IGF2BP3: variants seen among roughly 807,000 people sequenced by gnomAD.
IGF2BP3 encodes insulin-like growth factor 2 mRNA-binding protein 3.
A neutral mutation model predicts 73.8 loss-of-function variants in IGF2BP3; 9 were observed. The ratio of observed to expected loss-of-function variants is 0.12; its 90% confidence interval spans 0.07 to 0.21. The LOEUF (loss-of-function observed/expected upper bound fraction) is 0.21. Among genes scored for constraint, IGF2BP3 ranks in the 10% least tolerant of loss-of-function variants. The pLI is 1.00. For missense variants in IGF2BP3, 542 were observed against 714.0 expected, an observed-to-expected ratio of 0.76 and a Z score of 2.75; for synonymous variants, 258 against 256.7, an observed-to-expected ratio of 1.01 and a Z score of -0.05.
Position 23,424,128 on chromosome 7 carries a change from AT to A in IGF2BP3, c.237-5305del, listed in dbSNP as rs58516740. ...GTGAGACTCCATCTCAAACAAAAAA[AT>A]TTTTTTTTCAACACAGTTTAAGGGT... On this transcript the variant is annotated intron_variant, in intron 2 of 14. Transcript: ENST00000258729. Among the ~76,000 whole-genome samples, 4 of 151,468 alleles carry A rather than the reference AT, an allele frequency of 2.6e-5. No homozygotes were observed. The South Asian group carries it at 8.3e-4, about 32-fold the overall frequency.
chr7:23,464,226 A>ATATT (rs978446456), intron 2 of IGF2BP3, among the ~76,000 whole-genome samples: 5 of 152,254 alleles, frequency 3.3e-5, no homozygotes, highest in Non-Finnish European at 1.5e-5. Flanking sequence ...TAGCTTTTAA[A>ATATT]TAGCCACTTA....
At position 23,427,308 on chromosome 7, in the gene IGF2BP3, C is replaced by T. The variant is rs145742588; in HGVS notation, c.237-8484G>A. On this transcript the variant is annotated intron_variant, in intron 2 of 14. Coordinates refer to ENST00000258729, the MANE Select transcript of IGF2BP3 (RefSeq NM_006547.3). ...CATTCCGTGAATTTCTTGGAGGTCCCGTTTCCCTATAGGAAACTCAATAAA... is the reference window on the plus strand; with the variant it reads ...CATTCCGTGAATTTCTTGGAGGTCCTGTTTCCCTATAGGAAACTCAATAAA... Among the ~76,000 whole-genome samples, 675 of 152,210 alleles carry T rather than the reference C, an allele frequency of 4.4e-3. 6 individuals carry two copies. The highest frequency in any genetic ancestry group is 0.015 in the African/African-American group (621 of 41,542).
intron 2 of IGF2BP3, among the ~76,000 whole-genome samples, chr7:23,455,468 G>A (rs1295182972): frequency 6.6e-6 from 1 of 152,182 alleles, no homozygotes; most frequent in East Asian, 1.9e-4. Flanking sequence ...ACCAGGCTAA[G>A]CCTAATAATG....
chr7:23,314,767 A>G (rs897838328), intron 12 of IGF2BP3, among the ~76,000 whole-genome samples: 2 of 152,212 alleles, frequency 1.3e-5, no homozygotes, highest in Non-Finnish European at 2.9e-5. Context: ...TTTCCTTTGA[A>G]TATTTTAAAG....
intron 2 of IGF2BP3, among the ~76,000 whole-genome samples, chr7:23,433,708 A>G (rs907376880): frequency 2.0e-5 from 3 of 151,988 alleles, no homozygotes; most frequent in African/African-American, 7.2e-5. Context: ...ATGTATTTCT[A>G]TTGAACAGAG....
intron 8 of IGF2BP3, among the ~76,000 whole-genome samples, chr7:23,344,526 C>T (rs1019515177): frequency 7.9e-5 from 12 of 152,220 alleles, no homozygotes; most frequent in African/African-American, 2.7e-4. Context: ...AAACTCCCTG[C>T]GGGACCTAGG....
At chr7:23,443,960 G>A (rs1787998045) in intron 2 of IGF2BP3, among the ~76,000 whole-genome samples, 1 of 152,204 alleles carries the variant, frequency 6.6e-6, no homozygotes, top group East Asian at 1.9e-4. Context: ...AGTGAGCTGA[G>A]ATCGCGCCAC....
At chr7:23,418,079 A>G (rs952386098) in intron 3 of IGF2BP3, among the ~76,000 whole-genome samples, 1 of 152,190 alleles carries the variant, frequency 6.6e-6, no homozygotes, top group Non-Finnish European at 1.5e-5. Flanking sequence ...ATTTTAGAAG[A>G]CTAGTCTAAA....
chr7:23,424,359 G>T (rs1393766320), intron 2 of IGF2BP3, among the ~76,000 whole-genome samples: 1 of 151,758 alleles, frequency 6.6e-6, no homozygotes, highest in East Asian at 2.0e-4. Context: ...TTAGCTGGGC[G>T]TAGTGGCAGG....
At chr7:23,444,759 AAAAAAATTGCTTTTTAAAAC>A (rs1299760488) in intron 2 of IGF2BP3, among the ~76,000 whole-genome samples, 1 of 151,916 alleles carries the variant, frequency 6.6e-6, no homozygotes, top group Non-Finnish European at 1.5e-5. Context: ...AAAAAAAAAA[AAAAAAATTGCTTTTTAAAAC>A]AGTGAGGTAG....
chr7:23,400,983 A>T lies in IGF2BP3; in HGVS notation c.285+17793T>A, dbSNP rs1390877903. Among the ~76,000 whole-genome samples, 4 of 152,134 alleles carry T rather than the reference A, an allele frequency of 2.6e-5. No individual in the cohort carries two copies. In the South Asian group the frequency reaches 6.2e-4, roughly 24 times the overall value. ...CAAGGCTAATTTTTGTATTTTTAGT[A>T]GAGACGGGGGTTTCACCATGTTGCC... On this transcript the variant is annotated intron_variant, in intron 3 of 14. Transcript: ENST00000258729.
intron 3 of IGF2BP3, among the ~76,000 whole-genome samples, chr7:23,391,046 G>C (rs538569142): frequency 3.3e-5 from 5 of 150,046 alleles, no homozygotes; most frequent in African/African-American, 1.2e-4. Context: ...TGATCTGCCC[G>C]TCTCGGCCTC....
chr7:23,449,402 A>G (rs1788141507), intron 2 of IGF2BP3, among the ~76,000 whole-genome samples: 1 of 151,912 alleles, frequency 6.6e-6, no homozygotes, highest in South Asian at 2.1e-4. Flanking sequence ...CTGTAGTTCC[A>G]GCTACTCGGA....
chr7:23,400,398 C>T (rs1169636124), intron 3 of IGF2BP3, among the ~76,000 whole-genome samples: 1 of 152,116 alleles, frequency 6.6e-6, no homozygotes, highest in Non-Finnish European at 1.5e-5. Flanking sequence ...CTGACCTTGT[C>T]CTGCTCCTCC....
At chr7:23,381,328 T>G (rs1378590479) in intron 3 of IGF2BP3, among the ~76,000 whole-genome samples, 2 of 151,888 alleles carry the variant, frequency 1.3e-5, no homozygotes, top group Admixed American at 6.6e-5. Context: ...ACGAGAAGAG[T>G]CAGGATGTGA....
chr7:23,360,303 C>T (rs1785193606), intron 5 of IGF2BP3, among the ~76,000 whole-genome samples: 1 of 152,160 alleles, frequency 6.6e-6, no homozygotes, highest in South Asian at 2.1e-4. Context: ...ACCTAAATAT[C>T]CAAACTGCGA....
chr7:23,446,200 G>C (rs1454215975), intron 2 of IGF2BP3, among the ~76,000 whole-genome samples: 1 of 152,154 alleles, frequency 6.6e-6, no homozygotes, highest in Non-Finnish European at 1.5e-5. Context: ...TATGCAATAA[G>C]ATTCCATGAG....
chr7:23,347,768 A>G, intron 6 of IGF2BP3, 34 bp from the exon 7 acceptor site: 2 of 1,613,708 alleles, frequency 1.2e-6, no homozygotes, highest in Non-Finnish European at 1.7e-6. Context: ...GGAAAACGAG[A>G]GCAGTAAGCG....
At chr7:23,382,167 G>T (rs1785931671) in intron 3 of IGF2BP3, among the ~76,000 whole-genome samples, 1 of 152,078 alleles carries the variant, frequency 6.6e-6, no homozygotes, top group South Asian at 2.1e-4. Flanking sequence ...GATCACTTGA[G>T]CCCAGGAGGT....
Sources: allele counts gnomAD v4.1 joint callset (sites outside exome capture counted in the v4.1 genomes callset), GRCh38; gene constraint gnomAD v4.1.1; transcripts MANE v1.5; gene names NCBI Gene and HGNC (gene_info 2026-07-23, HGNC 2026-07-21).